NECAB3: variants seen among roughly 807,000 people sequenced by gnomAD.
NECAB3 encodes the protein N-terminal EF-hand calcium binding protein 3.
A neutral mutation model predicts 57.2 loss-of-function variants in NECAB3; 38 were observed. That is an observed-to-expected ratio of 0.66 (90% CI 0.51 to 0.87). The LOEUF is 0.87. NECAB3 is among the 40% of genes least tolerant of loss of function. The pLI, the probability that NECAB3 is intolerant of heterozygous loss-of-function variation, is 0.00. For missense variants in NECAB3, 474 were observed against 527.5 expected, an observed-to-expected ratio of 0.90 and a Z score of 0.99; for synonymous variants, 223 against 222.6, an observed-to-expected ratio of 1.00 and a Z score of -0.02.
At chr20:33,663,913 G>A in intron 5 of NECAB3, 3 of 1,357,376 alleles carry the variant, frequency 2.2e-6, no homozygotes, top group Non-Finnish European at 2.8e-6. Context: ...TGGCAACCCT[G>A]GCGCCTGCGA....
chr20:33,668,007 ACT>A (rs765653303), intron 5 of NECAB3: 29 of 1,543,590 alleles, frequency 1.9e-5, no homozygotes, highest in Middle Eastern at 1.9e-4. Context: ...GCGGCTCCAC[ACT>A]GTTTCCTGGC....
Position 33,667,837 on chromosome 20 carries a change from G to A in NECAB3, c.387+1538C>T, listed in dbSNP as rs144190881. 109 of 1,610,814 alleles carry A rather than the reference G, an allele frequency of 6.8e-5. No homozygotes were observed. The African/African-American group carries it at 1.2e-3, about 18-fold the overall frequency. ...TTTCAGCGTGGGTAACGGGTGCTGC[G>A]TCTGCCTCAGCAGTGAGCGCTTCCG... On this transcript the variant is annotated intron_variant, in intron 5 of 11. Coordinates refer to ENST00000246190, the MANE Select transcript of NECAB3 (RefSeq NM_031232.4).
chr20:33,663,818 C>G, intron 5 of NECAB3: 1 of 1,414,914 alleles, frequency 7.1e-7, no homozygotes, highest in South Asian at 1.5e-5. Context: ...GCCGGCCCCG[C>G]CGAGGAGCAG....
At chr20:33,658,856 C>A in intron 8 of NECAB3, 22 bp from the exon 9 acceptor site, 1 of 1,594,166 alleles carries the variant, frequency 6.3e-7, no homozygotes, top group South Asian at 1.1e-5. Context: ...GGCAGCCGGT[C>A]AGCTGGTGCG....
In NECAB3 at chr20:33,660,181, G is replaced by A. The variant is rs1217671442; in HGVS notation, c.524+78C>T. The stretch of plus-strand genomic sequence containing the variant: ...CCGAAAATGCAGGCTCCAGGATGCT[G>A]GGACTGTGGGGATTTGGAATGGGGG... On this transcript the variant is annotated intron_variant, in intron 6 of 11. Transcript: ENST00000246190. This position sits in a 1 kb window ranked among gnomAD's most constrained non-coding sequence, Gnocchi z 4.1. 3.2e-6 allele frequency: 5 copies of A among 1,569,802 alleles called. No homozygotes were observed. The highest frequency in any genetic ancestry group is 4.3e-6 in the Non-Finnish European group (5 of 1,154,890).
At chr20:33,663,974 T>A in intron 5 of NECAB3, 2 of 1,019,042 alleles carry the variant, frequency 2.0e-6, no homozygotes, top group South Asian at 2.0e-5. Flanking sequence ...AAGCTCAGCC[T>A]AGGAGCCGCA....
chr20:33,661,209 A>G (rs1168288020), intron 5 of NECAB3, among the ~76,000 whole-genome samples: 1 of 152,192 alleles, frequency 6.6e-6, no homozygotes, highest in Admixed American at 6.5e-5. Flanking sequence ...CCTACCAGCC[A>G]TCTATCGTCA....
In NECAB3 at chr20:33,669,422, C is replaced by A. The variant is rs1331988181; in HGVS notation, c.340G>T (p.Glu114Ter). The change falls in exon 5 of 12, where the codon GAA (glutamate) becomes TAA (stop). Residue 114 changes from glutamate to a stop codon, truncating the protein, a stop_gained. Coordinates refer to ENST00000246190, the MANE Select transcript of NECAB3 (RefSeq NM_031232.4). LOFTEE classifies it high-confidence loss of function. ...GVYRPVLAAL[E>*]SLNRAVLAAM... The stretch of plus-strand genomic sequence containing the variant: ...GCGAGCACTGCACGGTTCAGCGATT[C>A]CAATGCAGCCAGCACCGGCCGGTAG... The A allele has an allele frequency of 1.2e-6, 2 of 1,613,570 alleles. No individual in the cohort carries two copies. The highest frequency in any genetic ancestry group is 2.2e-5 in the East Asian group (1 of 44,898).
chr20:33,659,211 C>T (rs890733562), intron 8 of NECAB3, among the ~76,000 whole-genome samples: 1 of 152,198 alleles, frequency 6.6e-6, no homozygotes, highest in Non-Finnish European at 1.5e-5. Context: ...GCTGCTTGAT[C>T]CAGCCACTGT....
chr20:33,657,541 G>A lies in NECAB3; in HGVS notation c.*288C>T, dbSNP rs376186622. Reference sequence around the variant, plus strand: ...ACAGGGACGGGACCTGCCCTGGGTCGCTCAGCCAGGCAGGGACAGCAGGGA... The same window carrying A: ...ACAGGGACGGGACCTGCCCTGGGTCACTCAGCCAGGCAGGGACAGCAGGGA... On this transcript the variant is annotated 3_prime_UTR_variant, in exon 12 of 12. Coordinates refer to ENST00000246190, the MANE Select transcript of NECAB3 (RefSeq NM_031232.4). 2.6e-5 allele frequency: 10 copies of A among 383,616 alleles called. No homozygotes were observed. Among genetic ancestry groups the A allele is most frequent in the East Asian group, 1.2e-4 (3 of 25,534 alleles). The allele number at this position is 383,616 out of a possible 1,614,324, so 23.8% of individuals were successfully genotyped here.
Position 33,667,417 on chromosome 20 carries a change from G to A in NECAB3, c.387+1958C>T, listed in dbSNP as rs1014382432. 14 of 1,407,474 alleles carry A rather than the reference G, an allele frequency of 9.9e-6. No homozygotes were observed. The African/African-American group carries it at 1.4e-4, about 14-fold the overall frequency. The allele number at this position is 1,407,474 out of a possible 1,614,324, so 87.2% of individuals were successfully genotyped here. A position where few individuals can be genotyped will look rare whatever the true frequency, so the allele number is the denominator to read the frequency against. On this transcript the variant is annotated intron_variant, in intron 5 of 11. Coordinates refer to ENST00000246190, the MANE Select transcript of NECAB3 (RefSeq NM_031232.4). ...AGAGCAGTGGCCCGTGCTGGTGAGCGACTCGCCGTTGGCGCCGCCCGCGGG... is the reference window on the plus strand; with the variant it reads ...AGAGCAGTGGCCCGTGCTGGTGAGCAACTCGCCGTTGGCGCCGCCCGCGGG...
chr20:33,663,654 G>C (rs776103523), intron 5 of NECAB3: 65 of 1,597,612 alleles, frequency 4.1e-5, no homozygotes, highest in Non-Finnish European at 5.4e-5. Context: ...TGCGCGGAGC[G>C]GGCGAAGGTA....
At position 33,668,103 on chromosome 20, in the gene NECAB3, G is replaced by A. The variant is rs971334991; in HGVS notation, c.387+1272C>T. 4.4e-6 allele frequency: 7 copies of A among 1,606,378 alleles called. No individual in the cohort carries two copies. The Admixed American group carries it at 5.1e-5, about 12-fold the overall frequency. On this transcript the variant is annotated intron_variant, in intron 5 of 11. Coordinates refer to ENST00000246190, the MANE Select transcript of NECAB3 (RefSeq NM_031232.4). Reference sequence around the variant, plus strand: ...CCCTGCGGCCCCACCTGGTGGCCAAGCATGGGCGTGGCATGGCTGTGTGGA... The same window carrying A: ...CCCTGCGGCCCCACCTGGTGGCCAAACATGGGCGTGGCATGGCTGTGTGGA...
chr20:33,659,627 T>A lies in NECAB3; in HGVS notation c.749A>T (p.His250Leu), dbSNP rs764760307. ...CKVRAVGPGP[H>L]KGGPSWYPPE... The stretch of plus-strand genomic sequence containing the variant: ...TGGATACCAGGAGGGTCCTCCCTTG[T>A]GGGGCCCTGGCCCCACGGCCCTCAC... The change falls in exon 8 of 12, where the codon CAC (histidine) becomes CTC (leucine). Residue 250 changes from histidine to leucine, a missense_variant. Transcript: ENST00000246190. 2.5e-6 allele frequency: 4 copies of A among 1,609,098 alleles called. No homozygotes were observed. The Admixed American group carries it at 6.7e-5, about 27-fold the overall frequency.
rs2017810302 is a variant in NECAB3 at position 33,670,666 on chromosome 20, G to GC, written c.263+17dup. The GC allele has an allele frequency of 1.9e-6, 3 of 1,576,108 alleles. No individual in the cohort carries two copies. The highest frequency in any genetic ancestry group is 2.6e-6 in the Non-Finnish European group (3 of 1,149,774). ...CAACCTGGCCTCGCATCTACCCACGGCCCCCTCTCATACTCACTCGGTGAG... is the reference window on the plus strand; with the variant it reads ...CAACCTGGCCTCGCATCTACCCACGGCCCCCCTCTCATACTCACTCGGTGAG... On this transcript the variant is annotated intron_variant, in intron 3 of 11. Transcript: ENST00000246190.
rs757272778 is a variant in NECAB3 at position 33,672,383 on chromosome 20, G to GGAA, written c.154+12_154+14dup. ...ACCCTGCCCCACTGTGGGACCCAGG[G>GGAA]GAAGCCACACTCACCATTCTTGTCT... On this transcript the variant is annotated intron_variant, in intron 2 of 11. Coordinates refer to ENST00000246190, the MANE Select transcript of NECAB3 (RefSeq NM_031232.4). 1.6e-5 allele frequency: 26 copies of GGAA among 1,613,994 alleles called. No homozygotes were observed. The South Asian group carries it at 2.7e-4, about 17-fold the overall frequency.
At chr20:33,671,967 CCTGGGATTAAATGCTGCAAAGA>C (rs2017837057) in intron 2 of NECAB3, 1 of 188,328 alleles carries the variant, frequency 5.3e-6, no homozygotes, top group South Asian at 1.1e-4. Context: ...ACACAAGGAG[CCTGGGATTAAATGCTGCAAAGA>C]CCCAAGTTCG....
chr20:33,662,286 G>T, intron 5 of NECAB3: 1 of 1,538,626 alleles, frequency 6.5e-7, no homozygotes, highest in Non-Finnish European at 8.8e-7. Context: ...TGTTGCCAGG[G>T]CCCAGGGGGC....
Position 33,674,415 on chromosome 20 carries a change from C to G in NECAB3, c.-63G>C. 2 of 1,105,472 alleles carry G rather than the reference C, an allele frequency of 1.8e-6. No homozygotes were observed. The highest frequency in any genetic ancestry group is 2.2e-6 in the Non-Finnish European group (2 of 907,976). The allele number at this position is 1,105,472 out of a possible 1,614,324, so 68.5% of individuals were successfully genotyped here. On this transcript the variant is annotated 5_prime_UTR_variant, in exon 1 of 12. Coordinates refer to ENST00000246190, the MANE Select transcript of NECAB3 (RefSeq NM_031232.4). ...CCGACCCTGGACGCCGCGGCGGACTCGGTGTGGCTAGAGGCCGCCCCTTGG... is the reference window on the plus strand; with the variant it reads ...CCGACCCTGGACGCCGCGGCGGACTGGGTGTGGCTAGAGGCCGCCCCTTGG...
Sources: allele counts gnomAD v4.1 joint callset (sites outside exome capture counted in the v4.1 genomes callset), GRCh38; gene constraint gnomAD v4.1.1; non-coding constraint Gnocchi (gnomAD v3.1); transcripts MANE v1.5; gene names NCBI Gene and HGNC (gene_info 2026-07-23, HGNC 2026-07-21).